ZC3H12B: variants seen among roughly 807,000 people sequenced by gnomAD.
The protein encoded by ZC3H12B is probable ribonuclease ZC3H12B.
A neutral mutation model predicts 43.9 loss-of-function variants in ZC3H12B; 7 were observed. That is an observed-to-expected ratio of 0.16 (90% confidence interval 0.09 to 0.30). The LOEUF (loss-of-function observed/expected upper bound fraction) is 0.30, where lower values mean the gene tolerates loss of function less well. Ranked by LOEUF, ZC3H12B falls within the 10% of genes least tolerant of loss-of-function variation. The pLI, the probability that ZC3H12B is intolerant of heterozygous loss-of-function variation, is 1.00. For missense variants in ZC3H12B, 475 were observed against 670.2 expected, an observed-to-expected ratio of 0.71 and a Z score of 3.22; for synonymous variants, 222 against 241.7, an observed-to-expected ratio of 0.92 and a Z score of 0.76.
At chrX:65,278,070 T>C in the ZC3H12B span, among the ~76,000 whole-genome samples, 1 of 111,664 alleles carries the variant, frequency 9.0e-6, no homozygotes, top group East Asian at 2.8e-4. Context: ...ATAGATAACA[T>C]TGTGTTATCA....
chrX:65,362,270 C>G (rs1219261397), upstream of ZC3H12B, among the ~76,000 whole-genome samples: 1 of 111,344 alleles, frequency 9.0e-6, no homozygotes, highest in Non-Finnish European at 1.9e-5. Flanking sequence ...CCTTTTTAAT[C>G]AATACCTGGA....
chrX:65,242,023 G>T, the ZC3H12B span, among the ~76,000 whole-genome samples: 1 of 111,267 alleles, frequency 9.0e-6, no homozygotes, highest in Admixed American at 9.6e-5. Flanking sequence ...CCTTATCCGT[G>T]GGTTGCAAAA....
chrX:65,069,294 CG>C, the ZC3H12B span, among the ~76,000 whole-genome samples: 1 of 104,894 alleles, frequency 9.5e-6, no homozygotes, highest in Admixed American at 1.1e-4. Flanking sequence ...TTCTAGATCT[CG>C]TAGGCGTGCT....
chrX:65,315,450 T>A, the ZC3H12B span, among the ~76,000 whole-genome samples: 9 of 111,336 alleles, frequency 8.1e-5, no homozygotes, highest in Non-Finnish European at 1.7e-4. Flanking sequence ...ACTGTAAATG[T>A]TGTGACAATC....
At chrX:65,163,180 G>A in the ZC3H12B span, among the ~76,000 whole-genome samples, 1 of 111,149 alleles carries the variant, frequency 9.0e-6, no homozygotes, top group Non-Finnish European at 1.9e-5. Context: ...TGCCCCTACT[G>A]GGGGGTGCCT....
intron 2 of ZC3H12B, among the ~76,000 whole-genome samples, chrX:65,395,332 G>A (rs1328134711): frequency 2.7e-5 from 3 of 111,775 alleles, no homozygotes; most frequent in Non-Finnish European, 5.6e-5. Context: ...AGTGTGATAT[G>A]GGCTGTGGGT....
chrX:65,333,380 C>A, the ZC3H12B span, among the ~76,000 whole-genome samples: 1 of 111,798 alleles, frequency 8.9e-6, no homozygotes, highest in Non-Finnish European at 1.9e-5. Context: ...AGTATAATCA[C>A]AACTAGTTTC....
chrX:65,379,863 G>A (rs2066410753), intron 2 of ZC3H12B, among the ~76,000 whole-genome samples: 1 of 112,070 alleles, frequency 8.9e-6, no homozygotes, highest in Admixed American at 9.5e-5. Flanking sequence ...GTCAACGATG[G>A]AAGATGAAAT....
chrX:65,446,186 G>C (rs1338969386), intron 3 of ZC3H12B, among the ~76,000 whole-genome samples: 1 of 111,864 alleles, frequency 8.9e-6, no homozygotes, highest in Non-Finnish European at 1.9e-5. Flanking sequence ...ACACTGCTTG[G>C]TGCTTTATTT....
chrX:65,045,913 C>T, the ZC3H12B span, among the ~76,000 whole-genome samples: 1 of 111,658 alleles, frequency 9.0e-6, no homozygotes, highest in Non-Finnish European at 1.9e-5. Context: ...TGTACACATC[C>T]ATCAGAGCTC....
chrX:65,334,190 A>G, the ZC3H12B span, among the ~76,000 whole-genome samples: 1 of 112,179 alleles, frequency 8.9e-6, no homozygotes, highest in East Asian at 2.8e-4. Context: ...TTTATTAAAG[A>G]TCAGGTCATT....
At chrX:65,304,577 C>A in the ZC3H12B span, among the ~76,000 whole-genome samples, 1 of 106,415 alleles carries the variant, frequency 9.4e-6, no homozygotes, top group African/African-American at 3.5e-5. Flanking sequence ...GATCGCTCCA[C>A]TGCACTCCAG....
chrX:65,190,808 TG>T, the ZC3H12B span, among the ~76,000 whole-genome samples: 1 of 105,055 alleles, frequency 9.5e-6, no homozygotes, highest in African/African-American at 3.5e-5. Flanking sequence ...CCTGCCTAAT[TG>T]CCCTGGCCAG....
chrX:65,144,918 C>T, the ZC3H12B span, among the ~76,000 whole-genome samples: 22 of 111,614 alleles, frequency 2.0e-4, no homozygotes, highest in African/African-American at 3.6e-4. Flanking sequence ...AAGTTCCATG[C>T]GCTGTTGAAT....
At chrX:65,341,154 T>C in the ZC3H12B span, among the ~76,000 whole-genome samples, 1 of 110,936 alleles carries the variant, frequency 9.0e-6, no homozygotes, top group Non-Finnish European at 1.9e-5. Context: ...CAGACAAGAA[T>C]AGAGAAAAAA....
At chrX:65,480,846 CAAA>C (rs59314463) in intron 3 of ZC3H12B, among the ~76,000 whole-genome samples, 4 of 68,514 alleles carry the variant, frequency 5.8e-5, no homozygotes. Context: ...AACTCTGACT[CAAA>C]AAAAAAAAAA....
At chrX:65,233,585 G>A in the ZC3H12B span, among the ~76,000 whole-genome samples, 45 of 108,154 alleles carry the variant, frequency 4.2e-4, no homozygotes, top group Middle Eastern at 9.5e-3. Flanking sequence ...AAAACTTATG[G>A]GATATGGAAA....
In ZC3H12B at chrX:65,492,837, C is replaced by T. The variant is rs1411274523; in HGVS notation, c.608+3428C>T. On this transcript the variant is annotated intron_variant, in intron 1 of 4. Coordinates refer to ENST00000338957, the Ensembl canonical transcript of ZC3H12B. The stretch of plus-strand genomic sequence containing the variant: ...ATGATGCTGGCCAGGCACAGTGGCT[C>T]AAGCTTGTAATCCTAGCACTTTGAG... Among the ~76,000 whole-genome samples, 44 of 111,899 alleles carry T rather than the reference C, an allele frequency of 3.9e-4. 1 individual carries two copies. The highest frequency in any genetic ancestry group is 1.1e-4 in the Non-Finnish European group (6 of 53,265).
At chrX:65,073,926 C>T in the ZC3H12B span, among the ~76,000 whole-genome samples, 8 of 111,853 alleles carry the variant, frequency 7.2e-5, no homozygotes, top group South Asian at 7.5e-4. Flanking sequence ...CTCTTAGTGC[C>T]GTACCTCTGA....
Sources: gnomAD v4.1 joint callset for allele counts (sites outside exome capture counted in the v4.1 genomes callset) on GRCh38, gnomAD v4.1.1 for gene constraint, MANE v1.5 for transcripts, NCBI Gene and HGNC (gene_info 2026-07-23, HGNC 2026-07-21) for gene names.